The following MED13L variants were observed in gnomAD, a reference collection of about 807,000 sequenced individuals.
MED13L encodes mediator of RNA polymerase II transcription subunit 13-like.
A neutral mutation model predicts 220.9 loss-of-function variants in MED13L; 7 were observed. The observed-to-expected ratio is 0.03, with a 90% CI of 0.02 to 0.06. The LOEUF (loss-of-function observed/expected upper bound fraction) is 0.06, where lower values mean the gene tolerates loss of function less well. Ranked by LOEUF, MED13L falls within the 10% of genes least tolerant of loss-of-function variation. MED13L has a pLI of 1.00. For synonymous variants in MED13L, 1,011 were observed against 1,015.2 expected, an observed-to-expected ratio of 1.00 and a Z score of 0.08; for missense variants, 1,965 against 2,760.5, an observed-to-expected ratio of 0.71 and a Z score of 6.46.
At chr12:116,102,691 CTTTTTCTTTTTCT>C (rs1275038170) in intron 3 of MED13L, among the ~76,000 whole-genome samples, 340 of 90,750 alleles carry the variant, frequency 3.7e-3, no homozygotes, top group Middle Eastern at 0.011. Context: ...CCTATATTTT[CTTTTTCTTTTTCT>C]TTTTTCTTTT....
intron 4 of MED13L, among the ~76,000 whole-genome samples, chr12:116,077,667 G>T (rs1870909699): frequency 6.6e-6 from 1 of 152,132 alleles, no homozygotes; most frequent in African/African-American, 2.4e-5. Flanking sequence ...TGGTAATAGG[G>T]ATTAACACTA....
At chr12:116,043,083 T>A (rs1276682810) in intron 4 of MED13L, among the ~76,000 whole-genome samples, 1 of 152,208 alleles carries the variant, frequency 6.6e-6, no homozygotes, top group Admixed American at 6.5e-5. Context: ...CCAAGAAATA[T>A]TCATTCTGTG....
intron 1 of MED13L, chr12:116,276,662 G>A (rs1873868901): frequency 2.5e-6 from 3 of 1,191,610 alleles, no homozygotes; most frequent in African/African-American, 1.6e-5. Context: ...GGGGGAAGAG[G>A]TTGCCGATCG....
At chr12:116,145,860 A>T (rs1877460382) in intron 2 of MED13L, among the ~76,000 whole-genome samples, 1 of 151,600 alleles carries the variant, frequency 6.6e-6, no homozygotes, top group Non-Finnish European at 1.5e-5. Context: ...AAGCCTCATG[A>T]AGTTTAAAAA....
chr12:116,178,031 C>T (rs1191493088), intron 2 of MED13L, among the ~76,000 whole-genome samples: 1 of 151,744 alleles, frequency 6.6e-6, no homozygotes, highest in Non-Finnish European at 1.5e-5. Context: ...TTTTTGTTTG[C>T]TTGTTTGTTT....
chr12:116,202,418 C>A (rs1882058396), intron 2 of MED13L, among the ~76,000 whole-genome samples: 1 of 152,086 alleles, frequency 6.6e-6, no homozygotes, highest in Non-Finnish European at 1.5e-5. Flanking sequence ...AAGAAAAACA[C>A]CAATTTATAG....
intron 4 of MED13L, among the ~76,000 whole-genome samples, chr12:116,076,047 G>A (rs1420987282): frequency 6.6e-6 from 1 of 151,636 alleles, no homozygotes; most frequent in Non-Finnish European, 1.5e-5. Flanking sequence ...CCGAGTAGCT[G>A]GGACTACAGG....
chr12:116,035,752 A>G (rs1196242596), intron 4 of MED13L, among the ~76,000 whole-genome samples: 4 of 151,826 alleles, frequency 2.6e-5, no homozygotes, highest in Admixed American at 2.6e-4. Flanking sequence ...CACCACACCC[A>G]GCTAATTTTT....
At chr12:115,994,548 G>A (rs1245406006) in intron 16 of MED13L, among the ~76,000 whole-genome samples, 1 of 152,104 alleles carries the variant, frequency 6.6e-6, no homozygotes, top group African/African-American at 2.4e-5. Flanking sequence ...AGAATCTTTG[G>A]GATGGCAAAT....
At chr12:116,177,253 T>G (rs1880142035) in intron 2 of MED13L, among the ~76,000 whole-genome samples, 1 of 152,160 alleles carries the variant, frequency 6.6e-6, no homozygotes, top group African/African-American at 2.4e-5. Context: ...AGCGTATACA[T>G]GATCCTGACT....
chr12:116,274,288 T>C (rs2138604782), intron 1 of MED13L, among the ~76,000 whole-genome samples: 1 of 152,180 alleles, frequency 6.6e-6, no homozygotes, highest in Non-Finnish European at 1.5e-5. Flanking sequence ...TGGTAAGCCA[T>C]AATGAACACC....
At chr12:116,121,765 C>T (rs373305398) in intron 2 of MED13L, among the ~76,000 whole-genome samples, 10 of 152,254 alleles carry the variant, frequency 6.6e-5, no homozygotes, top group African/African-American at 2.4e-4. Context: ...CCACCTACTG[C>T]TTTTTTACCT....
intron 1 of MED13L, among the ~76,000 whole-genome samples, chr12:116,263,576 T>C (rs569924488): frequency 1.3e-5 from 2 of 152,348 alleles, no homozygotes; most frequent in South Asian, 2.1e-4. Flanking sequence ...GGCTAGCTAC[T>C]AGCTATCTTA....
rs200323704 is a variant in MED13L at position 116,120,440 on chromosome 12, T to G, written c.311-8928A>C. On this transcript the variant is annotated intron_variant, in intron 2 of 30. Transcript: ENST00000281928. ...TTTGGCTTCTTTAAATAATCTCTCT[T>G]TCTCTCTCTCTCTCTCTCTCTCTCT... 4.1e-5 allele frequency among the ~76,000 whole-genome samples: 4 copies of G among 98,386 alleles called. No individual in the cohort carries two copies. In the South Asian group the frequency reaches 1.7e-3, roughly 43 times the overall value. The allele number at this position is 98,386 out of a possible 152,430, so 64.5% of individuals were successfully genotyped here. A position where few individuals can be genotyped will look rare whatever the true frequency, so the allele number is the denominator to read the frequency against.
chr12:116,250,871 G>A (rs980024744), intron 1 of MED13L, among the ~76,000 whole-genome samples: 18 of 151,538 alleles, frequency 1.2e-4, no homozygotes, highest in African/African-American at 4.4e-4. Flanking sequence ...ATGCCTTGTG[G>A]ACTACATGTC....
intron 9 of MED13L, among the ~76,000 whole-genome samples, chr12:116,010,278 G>A (rs1367540182): frequency 6.6e-6 from 1 of 152,200 alleles, no homozygotes; most frequent in African/African-American, 2.4e-5. Flanking sequence ...TAAGCTCAAT[G>A]AGCATGGTAC....
Position 116,120,301 on chromosome 12 carries a change from G to A in MED13L, c.311-8789C>T, listed in dbSNP as rs540057643. 9.2e-5 allele frequency among the ~76,000 whole-genome samples: 14 copies of A among 152,136 alleles called. 1 individual carries two copies. In the South Asian group the frequency reaches 1.5e-3, roughly 16 times the overall value. ...TTTTATTCTTAGCACTGGGTAGAAA[G>A]GCAATGTTAACACTGAAGTTAAATT... is the stretch of plus-strand genomic sequence containing the variant. On this transcript the variant is annotated intron_variant, in intron 2 of 30. Transcript: ENST00000281928.
chr12:115,979,983 G>T lies in MED13L; in HGVS notation c.5364+767C>A, dbSNP rs558336521. Among the ~76,000 whole-genome samples, 4 of 152,240 alleles carry T rather than the reference G, an allele frequency of 2.6e-5. No homozygotes were observed. The South Asian group carries it at 8.3e-4, about 32-fold the overall frequency. On this transcript the variant is annotated intron_variant, in intron 23 of 30. Coordinates refer to ENST00000281928, the MANE Select transcript of MED13L (RefSeq NM_015335.5). ...GTGAAAATGCATTCATTTATATACG[G>T]AAGCACTGAGGCAAGGAAAGGAGAA...
intron 3 of MED13L, among the ~76,000 whole-genome samples, chr12:116,100,217 C>T (rs555677395): frequency 6.6e-6 from 1 of 152,122 alleles, no homozygotes; most frequent in Admixed American, 6.5e-5. Context: ...CTAATTGATA[C>T]AAGGGAATAT....
Sources: allele counts gnomAD v4.1 joint callset (sites outside exome capture counted in the v4.1 genomes callset), GRCh38; gene constraint gnomAD v4.1.1; transcripts MANE v1.5; gene names NCBI Gene and HGNC (gene_info 2026-07-23, HGNC 2026-07-21).